The following PDGFRL variants were observed in gnomAD, a reference collection of about 807,000 sequenced individuals.
PDGFRL encodes platelet-derived growth factor receptor-like protein.
PDGFRL carries 46 observed loss-of-function variants against 37.2 expected under a neutral mutation model. The observed-to-expected ratio is 1.24, with a 90% CI of 0.98 to 1.58. PDGFRL has a LOEUF of 1.58. Ranked by LOEUF, PDGFRL falls within the 40% of genes most tolerant of loss-of-function variation. PDGFRL has a pLI of 0.00. For synonymous variants in PDGFRL, 251 were observed against 184.3 expected, an observed-to-expected ratio of 1.36 and a Z score of -2.93; for missense variants, 692 against 467.6, an observed-to-expected ratio of 1.48 and a Z score of -4.43.
intron 2 of PDGFRL, among the ~76,000 whole-genome samples, chr8:17,613,965 G>T (rs1005257492): frequency 1.3e-5 from 2 of 152,218 alleles, no homozygotes; most frequent in Admixed American, 1.3e-4. Flanking sequence ...AACGTAACTG[G>T]TTGTTGAGGT....
In PDGFRL at chr8:17,642,715, G is replaced by A. The variant is rs755681979; in HGVS notation, c.1042G>A (p.Glu348Lys). The change falls in exon 6 of 6, where the codon GAG (glutamate) becomes AAG (lysine). Residue 348 changes from glutamate (E) to lysine (K), a missense_variant. Coordinates refer to ENST00000251630, the MANE Select transcript of PDGFRL (RefSeq NM_001372073.1). ...GAGTGTCATTACAGTGGAAGACTTT[G>A]AGACGATTGATGCAGGATATTACAT... is the stretch of plus-strand genomic sequence containing the variant. ...SQSVITVEDF[E>K]TIDAGYYICT... The A allele has an allele frequency of 6.9e-6, 11 of 1,605,276 alleles. No individual in the cohort carries two copies. Among genetic ancestry groups the A allele is most frequent in the Middle Eastern group, 1.6e-4 (1 of 6,062 alleles).
chr8:17,624,993 A>G (rs1804704353), intron 3 of PDGFRL, among the ~76,000 whole-genome samples: 1 of 105,836 alleles, frequency 9.4e-6, no homozygotes, highest in Admixed American at 9.6e-5. Context: ...TTTTATTTTT[A>G]TTTATTATTA....
At chr8:17,615,722 C>T (rs58130072) in intron 2 of PDGFRL, among the ~76,000 whole-genome samples, 1 of 152,196 alleles carries the variant, frequency 6.6e-6, no homozygotes, top group African/African-American at 2.4e-5. Context: ...CAAGACTAGC[C>T]TGGGCGACGC....
rs60541591 is a variant in PDGFRL, at chr8:17,605,458, G to A, written c.354-15593G>A. Among the ~76,000 whole-genome samples, 157 of 152,290 alleles carry A rather than the reference G, an allele frequency of 1.0e-3. 1 individual carries two copies. Among genetic ancestry groups the A allele is most frequent in the Middle Eastern group, 6.8e-3 (2 of 294 alleles). On this transcript the variant is annotated intron_variant, in intron 2 of 5. Transcript: ENST00000251630. ...GAATAACCCCTGCTGGGAGATCAAC[G>A]TGACCCATTTGCATCTTCTCTGCAC...
At chr8:17,579,556 G>GTTATTA (rs3988349) in intron 1 of PDGFRL, among the ~76,000 whole-genome samples, 41,009 of 119,236 alleles carry the variant, frequency 0.34, 6,830 homozygotes, top group Admixed American at 0.49. Context: ...TATTATTATT[G>GTTATTA]TTATTATTAT....
At chr8:17,604,791 G>A (rs954129341) in intron 2 of PDGFRL, among the ~76,000 whole-genome samples, 1 of 152,114 alleles carries the variant, frequency 6.6e-6, no homozygotes, top group Non-Finnish European at 1.5e-5. Context: ...ATGAGTCGAG[G>A]ATTTAAAGCC....
intron 4 of PDGFRL, among the ~76,000 whole-genome samples, chr8:17,630,755 G>A (rs751416577): frequency 6.6e-6 from 1 of 152,190 alleles, no homozygotes; most frequent in African/African-American, 2.4e-5. Flanking sequence ...CTTGTTGTCT[G>A]TTAGCCTGAT....
rs1319638489 is a variant in PDGFRL at position 17,578,184 on chromosome 8, C to T, written c.55+877C>T. The stretch of plus-strand genomic sequence containing the variant: ...GTTTCATCTGGGTGCCTCCTGGTGT[C>T]CTCAACCCTCTCTTGAAATTCCTGG... On this transcript the variant is annotated intron_variant, in intron 1 of 5. Transcript: ENST00000251630. Among the ~76,000 whole-genome samples, 5 of 152,064 alleles carry T rather than the reference C, an allele frequency of 3.3e-5. No individual in the cohort carries two copies. In the East Asian group the frequency reaches 9.7e-4, roughly 30 times the overall value.
At chr8:17,626,192 C>T (rs1445354093) in intron 3 of PDGFRL, among the ~76,000 whole-genome samples, 1 of 152,200 alleles carries the variant, frequency 6.6e-6, no homozygotes, top group Non-Finnish European at 1.5e-5. Context: ...CCAGATTCTT[C>T]TCTTGACAAA....
At chr8:17,580,278 C>A (rs558328001) in intron 1 of PDGFRL, among the ~76,000 whole-genome samples, 1 of 152,000 alleles carries the variant, frequency 6.6e-6, no homozygotes, top group African/African-American at 2.4e-5. Context: ...GACGAGGATT[C>A]TCTAACCAAG....
chr8:17,608,645 G>C (rs80336556), intron 2 of PDGFRL, among the ~76,000 whole-genome samples: 5,783 of 152,214 alleles, frequency 0.038, 145 homozygotes, highest in Non-Finnish European at 0.054. Flanking sequence ...TATATATAAA[G>C]GCAGTCTACT....
chr8:17,626,776 A>G (rs779726098), intron 3 of PDGFRL, among the ~76,000 whole-genome samples: 2 of 152,184 alleles, frequency 1.3e-5, no homozygotes, highest in African/African-American at 2.4e-5. Context: ...AATACCCCCA[A>G]AAGCCCAGTC....
intron 3 of PDGFRL, among the ~76,000 whole-genome samples, chr8:17,622,346 C>T (rs1405073352): frequency 2.0e-5 from 3 of 152,194 alleles, no homozygotes; most frequent in Admixed American, 2.0e-4. Flanking sequence ...TTTGTTAGTG[C>T]CTGGGCAGGG....
chr8:17,625,249 T>G (rs1804710536), intron 3 of PDGFRL, among the ~76,000 whole-genome samples: 1 of 151,574 alleles, frequency 6.6e-6, no homozygotes, highest in South Asian at 2.1e-4. Flanking sequence ...ACTCCCCGGT[T>G]CGAGCGATTC....
At chr8:17,617,852 A>G (rs565710811) in intron 2 of PDGFRL, among the ~76,000 whole-genome samples, 2 of 152,138 alleles carry the variant, frequency 1.3e-5, no homozygotes, top group Non-Finnish European at 2.9e-5. Context: ...GTGCTAGCAA[A>G]TGCTCGGCCC....
At chr8:17,622,532 T>G (rs146103825) in intron 3 of PDGFRL, among the ~76,000 whole-genome samples, 36 of 152,332 alleles carry the variant, frequency 2.4e-4, no homozygotes, top group African/African-American at 7.9e-4. Flanking sequence ...AGCTCCTCTC[T>G]GGCAAGGAGA....
chr8:17,610,287 T>C (rs1030354397), intron 2 of PDGFRL, among the ~76,000 whole-genome samples: 11 of 152,176 alleles, frequency 7.2e-5, no homozygotes, highest in African/African-American at 2.4e-4. Flanking sequence ...TTCTGCTACA[T>C]GGTAAGATTA....
intron 1 of PDGFRL, among the ~76,000 whole-genome samples, chr8:17,587,046 C>G (rs57152943): frequency 0.053 from 7,992 of 152,152 alleles, 325 homozygotes; most frequent in African/African-American, 0.096. Context: ...GAGTCATATT[C>G]TTTTAAACAG....
At chr8:17,612,442 G>A (rs915605749) in intron 2 of PDGFRL, among the ~76,000 whole-genome samples, 1 of 152,094 alleles carries the variant, frequency 6.6e-6, no homozygotes, top group South Asian at 2.1e-4. Flanking sequence ...CATGATCTCA[G>A]CTCACTGCAC....
Sources: gnomAD v4.1 joint callset for allele counts (sites outside exome capture counted in the v4.1 genomes callset) on GRCh38, gnomAD v4.1.1 for gene constraint, MANE v1.5 for transcripts, NCBI Gene and HGNC (gene_info 2026-07-23, HGNC 2026-07-21) for gene names.